PKD1L1: variants seen among roughly 807,000 people sequenced by gnomAD.
PKD1L1 encodes polycystin-1-like protein 1.
PKD1L1 carries 236 observed loss-of-function variants against 323.4 expected under a neutral mutation model. The ratio of observed to expected loss-of-function variants is 0.73; its 90% CI spans 0.66 to 0.81. PKD1L1 has a LOEUF of 0.81. Ranked by LOEUF, PKD1L1 falls within the 40% of genes least tolerant of loss-of-function variation. The probability of loss-of-function intolerance (pLI) is 0.00; values close to 1 mark genes in which losing one functional copy is unlikely to be tolerated. For synonymous variants in PKD1L1, 1,344 were observed against 1,335.0 expected (o/e 1.01, Z -0.15); for missense variants, 3,320 against 3,508.0 (o/e 0.95, Z 1.35).
chr7:47,936,341 C>T (rs1787866565), intron 4 of PKD1L1, among the ~76,000 whole-genome samples: 1 of 152,148 alleles, frequency 6.6e-6, no homozygotes, highest in South Asian at 2.1e-4. Flanking sequence ...CCCCACAGCC[C>T]CTGGCAACCA....
chr7:47,812,568 G>A (rs746966681), intron 49 of PKD1L1, among the ~76,000 whole-genome samples: 14 of 152,162 alleles, frequency 9.2e-5, no homozygotes, highest in African/African-American at 1.7e-4. Flanking sequence ...AAGACCATCC[G>A]TGTTACCACT....
At chr7:47,939,124 G>A (rs1022977250) in intron 3 of PKD1L1, among the ~76,000 whole-genome samples, 7 of 152,194 alleles carry the variant, frequency 4.6e-5, no homozygotes, top group African/African-American at 1.2e-4. Context: ...ACCATCAGAC[G>A]CTCATCTTAC....
chr7:47,884,270 G>A lies in PKD1L1; in HGVS notation c.3265+328C>T, dbSNP rs118183006. Among the ~76,000 whole-genome samples, 362 of 152,220 alleles carry A rather than the reference G, an allele frequency of 2.4e-3. 10 individuals are homozygous for A. The East Asian group carries it at 0.045, about 19-fold the overall frequency. ...GAGCCAGACCTGAAGGAGGAGGCTC[G>A]CTGAGCAGATAACTTAGGAAGGACG... On this transcript the variant is annotated intron_variant, in intron 19 of 56. Transcript: ENST00000289672.
chr7:47,845,965 T>C (rs1785657767), intron 32 of PKD1L1, among the ~76,000 whole-genome samples: 1 of 152,236 alleles, frequency 6.6e-6, no homozygotes, highest in Non-Finnish European at 1.5e-5. Flanking sequence ...ATTGCATTAA[T>C]GCATTTATCA....
intron 54 of PKD1L1, among the ~76,000 whole-genome samples, chr7:47,798,451 A>G (rs113845254): frequency 0.018 from 2,745 of 152,332 alleles, 98 homozygotes; most frequent in African/African-American, 0.063. Flanking sequence ...TGTAAAACAT[A>G]GAACTATAAA....
intron 46 of PKD1L1, among the ~76,000 whole-genome samples, chr7:47,817,612 T>C (rs1785047630): frequency 6.6e-6 from 1 of 152,204 alleles, no homozygotes; most frequent in Admixed American, 6.5e-5. Flanking sequence ...CTCAGGCCTA[T>C]AATCCTAGCA....
intron 7 of PKD1L1, among the ~76,000 whole-genome samples, chr7:47,919,651 C>A (rs905830658): frequency 6.6e-6 from 1 of 152,080 alleles, no homozygotes; most frequent in African/African-American, 2.4e-5. Flanking sequence ...TCCAACATAT[C>A]AAAAAGATAA....
intron 24 of PKD1L1, among the ~76,000 whole-genome samples, chr7:47,873,137 T>C (rs1206793910): frequency 6.6e-6 from 1 of 152,086 alleles, no homozygotes; most frequent in African/African-American, 2.4e-5. Flanking sequence ...TTAAATAGAT[T>C]TGTGGTTGTC....
At chr7:47,788,502 C>A (rs984631386) in intron 56 of PKD1L1, among the ~76,000 whole-genome samples, 25 of 150,054 alleles carry the variant, frequency 1.7e-4, no homozygotes, top group Non-Finnish European at 3.6e-4. Flanking sequence ...AAGTGATCCA[C>A]CTGCCTTGGC....
At chr7:47,891,734 A>G (rs79240404) in intron 15 of PKD1L1, among the ~76,000 whole-genome samples, 6,992 of 152,270 alleles carry the variant, frequency 0.046, 387 homozygotes, top group African/African-American at 0.14. Flanking sequence ...CAGGGAACAA[A>G]TTCAGCTCAT....
chr7:47,920,495 A>C (rs6463454), intron 7 of PKD1L1, among the ~76,000 whole-genome samples: 108,235 of 151,978 alleles, frequency 0.71, 39,541 homozygotes, highest in African/African-American at 0.88. Flanking sequence ...TCAGTGGAAT[A>C]CCCATCAAAA....
chr7:47,824,829 G>A (rs1785211449), intron 45 of PKD1L1, among the ~76,000 whole-genome samples: 1 of 152,194 alleles, frequency 6.6e-6, no homozygotes. Context: ...ACTACACTGT[G>A]TTCCTGTCCC....
chr7:47,890,053 G>C (rs550922235), intron 16 of PKD1L1, among the ~76,000 whole-genome samples: 1 of 152,248 alleles, frequency 6.6e-6, no homozygotes, highest in Non-Finnish European at 1.5e-5. Context: ...CAGGGGTTCT[G>C]GGTTTGGGGC....
chr7:47,942,306 G>A (rs1788003845), intron 2 of PKD1L1, among the ~76,000 whole-genome samples: 1 of 152,144 alleles, frequency 6.6e-6, no homozygotes, highest in African/African-American at 2.4e-5. Flanking sequence ...TACGTAAGCA[G>A]CAGCAGCAGG....
chr7:47,778,579 G>A (rs1786621613), intron 56 of PKD1L1, among the ~76,000 whole-genome samples: 1 of 152,204 alleles, frequency 6.6e-6, no homozygotes, highest in African/African-American at 2.4e-5. Context: ...TATTTGATCT[G>A]CTGTAAAGGT....
intron 36 of PKD1L1, among the ~76,000 whole-genome samples, chr7:47,838,268 T>C (rs1785497432): frequency 6.6e-6 from 1 of 152,206 alleles, no homozygotes; most frequent in African/African-American, 2.4e-5. Flanking sequence ...AGCCTGGGCC[T>C]CTCATCAACG....
chr7:47,907,994 T>C lies in PKD1L1; in HGVS notation c.1402+83A>G, dbSNP rs890969566. ...GTATCAAATTTAGAACTGCTATAAC[T>C]TGAACAGTATAAGTAAAGCGGAGAT... On this transcript the variant is annotated intron_variant, in intron 9 of 56. Coordinates refer to ENST00000289672, the MANE Select transcript of PKD1L1 (RefSeq NM_138295.5). 3.7e-6 allele frequency: 5 copies of C among 1,368,476 alleles called. No homozygotes were observed. In the African/African-American group the frequency reaches 7.3e-5, roughly 20 times the overall value. The allele number at this position is 1,368,476 out of a possible 1,614,324, so 84.8% of individuals were successfully genotyped here. A position where few individuals can be genotyped will look rare whatever the true frequency, so the allele number is the denominator to read the frequency against.
At chr7:47,859,505 G>A (rs1785978465) in intron 26 of PKD1L1, among the ~76,000 whole-genome samples, 1 of 151,600 alleles carries the variant, frequency 6.6e-6, no homozygotes, top group African/African-American at 2.4e-5. Context: ...TAGAGATGGG[G>A]TCTCACTCTG....
chr7:47,888,853 G>T (rs558786688), intron 16 of PKD1L1, among the ~76,000 whole-genome samples: 1 of 152,272 alleles, frequency 6.6e-6, no homozygotes, highest in South Asian at 2.1e-4. Flanking sequence ...TATCTCGGGG[G>T]TGGTTTGGGA....
Sources: allele counts gnomAD v4.1 joint callset (sites outside exome capture counted in the v4.1 genomes callset), GRCh38; gene constraint gnomAD v4.1.1; transcripts MANE v1.5; gene names NCBI Gene and HGNC (gene_info 2026-07-23, HGNC 2026-07-21).